Variants in OSMR observed in about 807,000 individuals in gnomAD.
OSMR encodes the protein oncostatin-M-specific receptor subunit beta.
A neutral mutation model predicts 99.9 loss-of-function variants in OSMR; 81 were observed. That is an observed-to-expected ratio of 0.81 (90% CI 0.68 to 0.97). The LOEUF is 0.97. Ranked by LOEUF, OSMR falls within the 50% of genes least tolerant of loss-of-function variation. The pLI is 0.00. For synonymous variants in OSMR, 406 were observed against 410.4 expected (o/e 0.99, Z 0.13); for missense variants, 1,099 against 1,153.4 (o/e 0.95, Z 0.68).
intron 9 of OSMR, among the ~76,000 whole-genome samples, chr5:38,909,412 T>A (rs561341216): frequency 1.3e-5 from 2 of 152,268 alleles, no homozygotes; most frequent in Admixed American, 1.3e-4. Context: ...AAAGACACCA[T>A]GTCTCCAAGA....
At chr5:38,940,154 A>ACC (rs1747399663), downstream of OSMR, 3 of 221,056 alleles carry the variant, frequency 1.4e-5, no homozygotes, top group African/African-American at 7.3e-5. Context: ...AAAAAAAAAA[A>ACC]CACAAAACAT....
chr5:38,855,400 G>T (rs374241192), intron 1 of OSMR, among the ~76,000 whole-genome samples: 1 of 152,084 alleles, frequency 6.6e-6, no homozygotes, highest in South Asian at 2.1e-4. Context: ...TCTTTTCTTG[G>T]AGATGAAATA....
chr5:38,875,934 C>A (rs768858245), intron 2 of OSMR: 2 of 153,562 alleles, frequency 1.3e-5, no homozygotes, highest in Non-Finnish European at 2.9e-5. Flanking sequence ...AATAAAGGAT[C>A]CTTCTGTTTT....
intron 5 of OSMR, 94 bp downstream of exon 5, chr5:38,884,205 A>G (rs1561365845): frequency 8.7e-6 from 9 of 1,034,210 alleles, no homozygotes; most frequent in Non-Finnish European, 1.4e-5. Flanking sequence ...ATTTCTACCC[A>G]TGATCTTGAT....
At chr5:38,904,542 T>C (rs778568588) in intron 9 of OSMR, 39 bp downstream of exon 9, 1 of 1,613,570 alleles carries the variant, frequency 6.2e-7, no homozygotes, top group Non-Finnish European at 8.5e-7. Context: ...AAGAAGTAGG[T>C]CTTAGGAGTT....
chr5:38,916,620 G>C (rs1023437017), intron 9 of OSMR, among the ~76,000 whole-genome samples: 1 of 152,116 alleles, frequency 6.6e-6, no homozygotes, highest in African/African-American at 2.4e-5. Context: ...TTAATACATA[G>C]GTACCCAGAG....
intron 9 of OSMR, among the ~76,000 whole-genome samples, chr5:38,905,943 A>G (rs1037770463): frequency 2.6e-5 from 4 of 152,164 alleles, no homozygotes; most frequent in African/African-American, 9.7e-5. Flanking sequence ...GGGCACCGCT[A>G]ATCAGAATCC....
chr5:38,936,150 T>TTAA (rs570917081), downstream of OSMR, among the ~76,000 whole-genome samples: 159 of 152,270 alleles, frequency 1.0e-3, no homozygotes, highest in African/African-American at 3.7e-3. Context: ...GTAGAATAGT[T>TTAA]TAATAAACCA....
chr5:38,863,572 C>A (rs1216722576), intron 1 of OSMR, among the ~76,000 whole-genome samples: 2 of 152,078 alleles, frequency 1.3e-5, no homozygotes, highest in African/African-American at 4.8e-5. Flanking sequence ...GTTTTGTGGT[C>A]TAAAATATGG....
At position 38,904,033 on chromosome 5, in the gene OSMR, C is replaced by A; in HGVS notation, c.1134+9C>A. The A allele has an allele frequency of 6.2e-7, 1 of 1,613,454 alleles. No individual in the cohort carries two copies. Among genetic ancestry groups the A allele is most frequent in the Non-Finnish European group, 8.5e-7 (1 of 1,179,858 alleles). The stretch of plus-strand genomic sequence containing the variant: ...AAGGAAAAATGATGCAAGTAAGAAC[C>A]CTGCTTAATTTTCTATTTTCAAAAA... On this transcript the variant is annotated intron_variant, in intron 8 of 17. Coordinates refer to ENST00000274276, the MANE Select transcript of OSMR (RefSeq NM_003999.3).
intron 7 of OSMR, among the ~76,000 whole-genome samples, chr5:38,893,547 T>C (rs937781832): frequency 2.6e-5 from 4 of 152,146 alleles, no homozygotes; most frequent in African/African-American, 9.7e-5. Context: ...ATTTAAAGCT[T>C]TATTAATAGA....
At chr5:38,856,013 G>A (rs1195720961) in intron 1 of OSMR, among the ~76,000 whole-genome samples, 1 of 152,022 alleles carries the variant, frequency 6.6e-6, no homozygotes, top group Admixed American at 6.6e-5. Flanking sequence ...AATCCTCCAA[G>A]CAGCCCCCAA....
At chr5:38,941,501 A>C in intron 1 of OSMR, 1 of 231,624 alleles carries the variant, frequency 4.3e-6, no homozygotes, top group Non-Finnish European at 8.6e-6. Flanking sequence ...AGTTGATGAA[A>C]GTGGAAGTCC....
intron 11 of OSMR, 149 bp from the exon 12 acceptor site, chr5:38,921,466 A>G: frequency 2.0e-6 from 3 of 1,490,762 alleles, no homozygotes; most frequent in Non-Finnish European, 2.7e-6. Flanking sequence ...CCATGAAAAC[A>G]TCCCCCACCC....
At chr5:38,853,357 T>G (rs73749579) in intron 1 of OSMR, among the ~76,000 whole-genome samples, 1,785 of 152,324 alleles carry the variant, frequency 0.012, 42 homozygotes, top group African/African-American at 0.04. Flanking sequence ...TGCTATAAGG[T>G]AGGTTATTTT....
chr5:38,874,227 G>A (rs937974627), intron 2 of OSMR, among the ~76,000 whole-genome samples: 13 of 151,850 alleles, frequency 8.6e-5, no homozygotes, highest in African/African-American at 1.5e-4. Flanking sequence ...TTATTTTATT[G>A]TCTATTTGTT....
At chr5:38,922,236 A>G (rs1487418271) in intron 12 of OSMR, among the ~76,000 whole-genome samples, 4 of 152,198 alleles carry the variant, frequency 2.6e-5, no homozygotes, top group Middle Eastern at 3.4e-3. Flanking sequence ...TGTAATGTGA[A>G]GATTGCTAGT....
intron 1 of OSMR, among the ~76,000 whole-genome samples, chr5:38,850,628 G>GA (rs1450774347): frequency 4.6e-5 from 7 of 152,158 alleles, no homozygotes; most frequent in Non-Finnish European, 1.0e-4. Context: ...TCTGCAAATA[G>GA]AAAAATGTAA....
At chr5:38,870,330 CTTTT>C (rs374861159) in intron 2 of OSMR, among the ~76,000 whole-genome samples, 1 of 115,138 alleles carries the variant, frequency 8.7e-6, no homozygotes. Context: ...GAATGATTTT[CTTTT>C]TTTTTTTTTT....
Sources: gnomAD v4.1 joint callset for allele counts (sites outside exome capture counted in the v4.1 genomes callset) on GRCh38, gnomAD v4.1.1 for gene constraint, MANE v1.5 for transcripts, NCBI Gene and HGNC (gene_info 2026-07-23, HGNC 2026-07-21) for gene names.